Variants in PCDH15 observed in about 807,000 individuals in gnomAD.
PCDH15 encodes protocadherin related 15, also known as protocadherin-15.
PCDH15 carries 129 observed loss-of-function variants against 178.5 expected under a neutral mutation model. The ratio of observed to expected loss-of-function variants is 0.72; its 90% CI spans 0.63 to 0.84. The LOEUF (loss-of-function observed/expected upper bound fraction) is 0.84. Among genes scored for constraint, PCDH15 ranks in the 40% least tolerant of loss-of-function variants. The pLI is 0.00. For synonymous variants in PCDH15, 800 were observed against 732.0 expected (o/e 1.09, Z -1.50); for missense variants, 2,230 against 2,099.9 (o/e 1.06, Z -1.21).
At chr10:54,427,936 T>C (rs1353137800) in intron 3 of PCDH15, among the ~76,000 whole-genome samples, 1 of 152,072 alleles carries the variant, frequency 6.6e-6, no homozygotes, top group Non-Finnish European at 1.5e-5. Context: ...TAAGAAACAC[T>C]GAAGTAGACA....
chr10:55,349,018 G>C (rs949882551), intron 2 of PCDH15, among the ~76,000 whole-genome samples: 1 of 152,130 alleles, frequency 6.6e-6, no homozygotes, highest in Non-Finnish European at 1.5e-5. Context: ...AGATGACTGG[G>C]CAGGAGTCTA....
intron 3 of PCDH15, among the ~76,000 whole-genome samples, chr10:54,812,285 T>G (rs951161363): frequency 6.6e-6 from 1 of 151,142 alleles, no homozygotes; most frequent in Admixed American, 6.6e-5. Context: ...TTTTTTTTTT[T>G]TTTTTGAGAC....
chr10:54,049,677 A>G (rs1212136410), intron 18 of PCDH15, among the ~76,000 whole-genome samples: 1 of 151,688 alleles, frequency 6.6e-6, no homozygotes, highest in East Asian at 1.9e-4. Flanking sequence ...CTGGCATGCA[A>G]TGGCGCAACC....
chr10:54,549,545 A>T (rs981364170), intron 2 of PCDH15, among the ~76,000 whole-genome samples: 1 of 151,966 alleles, frequency 6.6e-6, no homozygotes. Flanking sequence ...TGTAAAATTT[A>T]TCGAAACCTT....
At position 54,133,973 on chromosome 10, in the gene PCDH15, T is replaced by C. The variant is rs1016923800; in HGVS notation, c.1785-966A>G. Among the ~76,000 whole-genome samples, 12 of 129,792 alleles carry C rather than the reference T, an allele frequency of 9.2e-5. 2 individuals are homozygous for C. Among genetic ancestry groups the C allele is most frequent in the African/African-American group, 3.1e-4 (12 of 38,262 alleles). 85.1% of individuals were successfully genotyped at this position (129,792 alleles called of 152,430 possible). ...CTGCCTAAGATGTATGCTTTGAATTTAACAAAGTCATGATTTAGTTCAAAA... is the reference window on the plus strand; with the variant it reads ...CTGCCTAAGATGTATGCTTTGAATTCAACAAAGTCATGATTTAGTTCAAAA... On this transcript the variant is annotated intron_variant, in intron 14 of 37. Transcript: ENST00000644397.
chr10:55,544,139 C>CATAT (rs1176456895), intron 2 of PCDH15, among the ~76,000 whole-genome samples: 1,052 of 54,122 alleles, frequency 0.019, 10 homozygotes, highest in Middle Eastern at 0.044. Context: ...CTTATACATA[C>CATAT]ATATATATAT....
intron 6 of PCDH15, among the ~76,000 whole-genome samples, chr10:54,338,180 CTG>C (rs1941556603): frequency 1.3e-5 from 2 of 152,100 alleles, no homozygotes; most frequent in African/African-American, 2.4e-5. Context: ...TGTGAAAAGA[CTG>C]AGGTTCGAAG....
chr10:54,445,008 C>A (rs182502003), intron 3 of PCDH15, among the ~76,000 whole-genome samples: 1 of 151,314 alleles, frequency 6.6e-6, no homozygotes, highest in East Asian at 2.0e-4. Flanking sequence ...AGGAAAGAAT[C>A]ATTCTCTACT....
At chr10:54,652,148 T>A (rs1948049144) in intron 2 of PCDH15, among the ~76,000 whole-genome samples, 2 of 152,208 alleles carry the variant, frequency 1.3e-5, no homozygotes, top group Admixed American at 1.3e-4. Context: ...GTCATTCTGC[T>A]TTAAAGGAAT....
At chr10:53,989,025 G>A (rs570216823) in intron 21 of PCDH15, among the ~76,000 whole-genome samples, 3 of 152,252 alleles carry the variant, frequency 2.0e-5, no homozygotes, top group Non-Finnish European at 2.9e-5. Context: ...CTAAAACTGA[G>A]ATACAGAAAC....
At chr10:55,560,014 C>T (rs776020858) in intron 2 of PCDH15, among the ~76,000 whole-genome samples, 3 of 151,998 alleles carry the variant, frequency 2.0e-5, no homozygotes, top group South Asian at 4.1e-4. Context: ...CCATTAAGGA[C>T]AAACCATTTT....
At chr10:55,110,559 T>A (rs1304378018) in intron 2 of PCDH15, among the ~76,000 whole-genome samples, 1 of 151,988 alleles carries the variant, frequency 6.6e-6, no homozygotes, top group Non-Finnish European at 1.5e-5. Context: ...GTTGTTAGGT[T>A]AGTCTTCTGA....
intron 1 of PCDH15, among the ~76,000 whole-genome samples, chr10:54,757,123 G>A (rs1947243732): frequency 6.6e-6 from 1 of 152,042 alleles, no homozygotes; most frequent in Admixed American, 6.6e-5. Context: ...TTCCAGCCGG[G>A]GTATATTCAG....
intron 2 of PCDH15, among the ~76,000 whole-genome samples, chr10:55,486,258 T>C: frequency 6.6e-6 from 1 of 151,556 alleles, no homozygotes; most frequent in East Asian, 1.9e-4. Flanking sequence ...ACCTAAAAAA[T>C]AAATGAAGGA....
intron 2 of PCDH15, among the ~76,000 whole-genome samples, chr10:55,502,784 G>A (rs1011394144): frequency 2.6e-5 from 4 of 151,714 alleles, no homozygotes; most frequent in East Asian, 2.0e-4. Context: ...ATATGAAAGC[G>A]TAGTGCATTG....
At chr10:55,473,421 T>C (rs1840004345) in intron 2 of PCDH15, among the ~76,000 whole-genome samples, 2 of 152,314 alleles carry the variant, frequency 1.3e-5, no homozygotes, top group Admixed American at 1.3e-4. Context: ...ATAAGAATTT[T>C]ACCTTGAAGG....
chr10:54,744,028 C>T (rs1022466974), intron 1 of PCDH15, among the ~76,000 whole-genome samples: 42 of 152,180 alleles, frequency 2.8e-4, no homozygotes, highest in African/African-American at 1.0e-3. Context: ...ATGACAAAAG[C>T]CTTTGACTTT....
chr10:55,421,915 T>A (rs1260931444), intron 2 of PCDH15, among the ~76,000 whole-genome samples: 1 of 151,776 alleles, frequency 6.6e-6, no homozygotes, highest in Non-Finnish European at 1.5e-5. Context: ...AAAATGGTAT[T>A]TCTATTAGCC....
chr10:54,194,713 T>C (rs1409029409), intron 11 of PCDH15, among the ~76,000 whole-genome samples: 1 of 149,314 alleles, frequency 6.7e-6, no homozygotes, highest in Non-Finnish European at 1.5e-5. Flanking sequence ...TATGTATACC[T>C]GTGTATATGT....
Sources: gnomAD v4.1 joint callset for allele counts (sites outside exome capture counted in the v4.1 genomes callset) on GRCh38, gnomAD v4.1.1 for gene constraint, MANE v1.5 for transcripts, NCBI Gene and HGNC (gene_info 2026-07-23, HGNC 2026-07-21) for gene names.